CDK14: variants seen among roughly 807,000 people sequenced by gnomAD.
CDK14 encodes the protein cyclin dependent kinase 14, also known as cyclin-dependent kinase 14.
CDK14 carries 34 observed loss-of-function variants against 60.7 expected under a neutral mutation model. That is an observed-to-expected ratio of 0.56 (90% CI 0.43 to 0.75). CDK14 has a LOEUF of 0.75. Ranked by LOEUF, CDK14 falls within the 30% of genes least tolerant of loss-of-function variation. The pLI is 0.00. For missense variants in CDK14, 482 were observed against 564.1 expected, an observed-to-expected ratio of 0.85 and a Z score of 1.47; for synonymous variants, 197 against 203.7, an observed-to-expected ratio of 0.97 and a Z score of 0.28.
At chr7:91,104,875 G>A (rs531970618) in intron 12 of CDK14, among the ~76,000 whole-genome samples, 1 of 152,154 alleles carries the variant, frequency 6.6e-6, no homozygotes, top group Admixed American at 6.5e-5. Context: ...AGAATACCAG[G>A]GAGAAAGACC....
chr7:91,170,214 C>T (rs537209806), intron 14 of CDK14, among the ~76,000 whole-genome samples: 41 of 152,260 alleles, frequency 2.7e-4, no homozygotes, highest in Admixed American at 4.6e-4. Context: ...GGACTGGAGT[C>T]CAAACTTCAT....
intron 4 of CDK14, among the ~76,000 whole-genome samples, chr7:90,773,027 T>C (rs867583262): frequency 1.3e-5 from 2 of 152,246 alleles, no homozygotes; most frequent in African/African-American, 2.4e-5. Flanking sequence ...ATCAGTGTTA[T>C]AATTAGGATA....
chr7:90,907,928 A>T (rs117241800), intron 7 of CDK14, among the ~76,000 whole-genome samples: 2,478 of 152,214 alleles, frequency 0.016, 23 homozygotes, highest in Non-Finnish European at 0.022. Flanking sequence ...GTGACACCTG[A>T]CTTTCTCCAT....
intron 5 of CDK14, among the ~76,000 whole-genome samples, chr7:90,817,437 T>G (rs571382139): frequency 6.6e-6 from 1 of 152,320 alleles, no homozygotes; most frequent in South Asian, 2.1e-4. Flanking sequence ...AGCTTGACAC[T>G]CTTTCCTTTT....
chr7:91,104,004 A>G (rs796442588), intron 12 of CDK14, among the ~76,000 whole-genome samples: 57 of 152,322 alleles, frequency 3.7e-4, no homozygotes, highest in African/African-American at 1.1e-3. Flanking sequence ...CATACCACAC[A>G]TACTCTGAAT....
At chr7:90,630,339 C>A (rs1405736819) in intron 2 of CDK14, among the ~76,000 whole-genome samples, 3 of 152,118 alleles carry the variant, frequency 2.0e-5, no homozygotes, top group African/African-American at 7.2e-5. Context: ...TGTTCCTGGG[C>A]TGCCTGTATA....
chr7:91,103,867 A>AGAGT (rs1484549312), intron 12 of CDK14, among the ~76,000 whole-genome samples: 5 of 151,746 alleles, frequency 3.3e-5, no homozygotes, highest in African/African-American at 1.2e-4. Flanking sequence ...AGAGAGAGAG[A>AGAGT]GTGTGTATTG....
At chr7:90,937,266 C>T (rs1584143538) in intron 8 of CDK14, among the ~76,000 whole-genome samples, 1 of 152,148 alleles carries the variant, frequency 6.6e-6, no homozygotes, top group African/African-American at 2.4e-5. Context: ...AGCTGATTTT[C>T]GTTTTCTTCT....
chr7:90,837,118 T>C (rs745592062), intron 5 of CDK14, among the ~76,000 whole-genome samples: 1 of 152,158 alleles, frequency 6.6e-6, no homozygotes, highest in Non-Finnish European at 1.5e-5. Context: ...TTTAATGGGA[T>C]AGCTGGCCAT....
chr7:90,734,414 G>A (rs1201623556), intron 3 of CDK14, among the ~76,000 whole-genome samples: 1 of 152,102 alleles, frequency 6.6e-6, no homozygotes, highest in African/African-American at 2.4e-5. Context: ...TTTCCAACTT[G>A]GTTCTATTCT....
intron 9 of CDK14, among the ~76,000 whole-genome samples, chr7:90,974,002 C>T (rs1352755605): frequency 3.3e-5 from 5 of 152,140 alleles, no homozygotes; most frequent in Non-Finnish European, 7.3e-5. Context: ...GGGCATATTT[C>T]AGTCCTTATC....
rs920854353 is a variant in CDK14 at position 91,209,263 on chromosome 7, C to T, written c.*2127C>T. 4 of 152,162 alleles carry T rather than the reference C, an allele frequency of 2.6e-5. No homozygotes were observed. Among genetic ancestry groups the T allele is most frequent in the Non-Finnish European group, 5.9e-5 (4 of 68,034 alleles). 9.4% of individuals were successfully genotyped at this position (152,162 alleles called of 1,614,324 possible). ...ATCTCCCTGTCGTAGGCAGCTTCTT[C>T]GGAGAAGTGAAATATAACATTACTC... On this transcript the variant is annotated 3_prime_UTR_variant, in exon 15 of 15. Coordinates refer to ENST00000380050, the MANE Select transcript of CDK14 (RefSeq NM_001287135.2).
chr7:90,766,692 G>C (rs116019069), intron 4 of CDK14, among the ~76,000 whole-genome samples: 1 of 152,072 alleles, frequency 6.6e-6, no homozygotes, highest in Non-Finnish European at 1.5e-5. Flanking sequence ...TAAGGTCCAG[G>C]GTCAGGTTTG....
chr7:90,780,346 A>G (rs1051985181), intron 4 of CDK14, among the ~76,000 whole-genome samples: 1 of 152,030 alleles, frequency 6.6e-6, no homozygotes, highest in Admixed American at 6.6e-5. Flanking sequence ...TGATTCTGTA[A>G]TACCCTCCAA....
chr7:91,061,312 T>G (rs552764347), intron 11 of CDK14, among the ~76,000 whole-genome samples: 2 of 152,346 alleles, frequency 1.3e-5, no homozygotes, highest in South Asian at 4.1e-4. Context: ...TAATCTTTTT[T>G]CAAGGCTTTT....
At chr7:91,001,857 T>C (rs1001647112) in intron 10 of CDK14, among the ~76,000 whole-genome samples, 2 of 152,236 alleles carry the variant, frequency 1.3e-5, no homozygotes, top group African/African-American at 4.8e-5. Flanking sequence ...TAAAGCTCTT[T>C]GTCTTTGCAT....
At chr7:90,654,785 A>C (rs1376965308) in intron 2 of CDK14, among the ~76,000 whole-genome samples, 1 of 152,200 alleles carries the variant, frequency 6.6e-6, no homozygotes, top group Non-Finnish European at 1.5e-5. Flanking sequence ...ATTTTGCGTG[A>C]ATATGGTACA....
intron 10 of CDK14, among the ~76,000 whole-genome samples, chr7:91,015,533 T>G (rs867883782): frequency 0.014 from 1,960 of 139,224 alleles, 37 homozygotes; most frequent in African/African-American, 0.049. Flanking sequence ...TTTTTTTTTT[T>G]TTTTTTTTTT....
At position 90,717,808 on chromosome 7, in the gene CDK14, G is replaced by A. The variant is rs111293633; in HGVS notation, c.124-8759G>A. Among the ~76,000 whole-genome samples the A allele has an allele frequency of 9.2e-3, 1,401 of 151,980 alleles. 31 individuals are homozygous for A. The highest frequency in any genetic ancestry group is 0.032 in the African/African-American group (1,340 of 41,460). Reference sequence around the variant, plus strand: ...GTAAATATTAACAGAACTATTTCATGCCCGGTCTTTTGTGCTTTGGGAACA... The same window carrying A: ...GTAAATATTAACAGAACTATTTCATACCCGGTCTTTTGTGCTTTGGGAACA... On this transcript the variant is annotated intron_variant, in intron 2 of 14. Coordinates refer to ENST00000380050, the MANE Select transcript of CDK14 (RefSeq NM_001287135.2).
Sources: allele counts gnomAD v4.1 joint callset (sites outside exome capture counted in the v4.1 genomes callset), GRCh38; gene constraint gnomAD v4.1.1; transcripts MANE v1.5; gene names NCBI Gene and HGNC (gene_info 2026-07-23, HGNC 2026-07-21).